The following SEMA4D variants were observed in gnomAD, a reference collection of about 807,000 sequenced individuals.
The protein encoded by SEMA4D is semaphorin 4D, also known as semaphorin-4D.
A neutral mutation model predicts 74.8 loss-of-function variants in SEMA4D; 22 were observed. The ratio of observed to expected loss-of-function variants is 0.29; its 90% CI spans 0.21 to 0.42. SEMA4D has a LOEUF of 0.42. SEMA4D is among the 10% of genes least tolerant of loss of function. SEMA4D has a pLI of 1.00. For synonymous variants in SEMA4D, 445 were observed against 463.7 expected (o/e 0.96, Z 0.52); for missense variants, 937 against 1,118.4 (o/e 0.84, Z 2.31).
rs1382384725 is a variant in SEMA4D at position 89,379,049 on chromosome 9, G to A, written c.2244C>T (p.Leu748=). The change falls in exon 16 of 16, where the codon CTC becomes CTT. Residue 748 remains leucine (L), a synonymous_variant. Coordinates refer to ENST00000422704, the MANE Select transcript of SEMA4D (RefSeq NM_001371194.2). ...TATAGCAGTTGTAGAAAAAGAGGCA[G>A]AGGAAGAGAACAAAGAAGAAGAGGA... ...SLFLFFFVLF[L]CLFFYNCYKG... 3 of 1,612,652 alleles carry A rather than the reference G, an allele frequency of 1.9e-6. No homozygotes were observed. Among genetic ancestry groups the A allele is most frequent in the East Asian group, 2.2e-5 (1 of 44,870 alleles).
chr9:89,448,193 C>A (rs1361866420), intron 2 of SEMA4D, among the ~76,000 whole-genome samples: 1 of 152,164 alleles, frequency 6.6e-6, no homozygotes, highest in Admixed American at 6.5e-5. Flanking sequence ...CCAGGCTGGT[C>A]TCAAACTCCT....
intron 2 of SEMA4D, chr9:89,450,544 GC>G: frequency 9.1e-7 from 1 of 1,100,854 alleles, no homozygotes; most frequent in Non-Finnish European, 1.4e-6. Flanking sequence ...CTGCCCAATG[GC>G]CCCATGCAGA....
At chr9:89,438,663 T>TTTTTC (rs537585584) in intron 2 of SEMA4D, among the ~76,000 whole-genome samples, 1 of 152,150 alleles carries the variant, frequency 6.6e-6, no homozygotes, top group African/African-American at 2.4e-5. Context: ...CAATGTATGT[T>TTTTTC]TTTTCTTTTC....
At chr9:89,452,182 G>GT (rs748453753) in intron 2 of SEMA4D, among the ~76,000 whole-genome samples, 57,434 of 134,940 alleles carry the variant, frequency 0.43, 13,057 homozygotes, top group Non-Finnish European at 0.5. Context: ...GGTTTTTTTT[G>GT]TTTTTTTTTT....
At chr9:89,387,241 C>T (rs1838732280) in intron 12 of SEMA4D, 145 bp downstream of exon 12, 3 of 651,030 alleles carry the variant, frequency 4.6e-6, no homozygotes, top group African/African-American at 1.8e-5. Flanking sequence ...TCTCAGAAAT[C>T]TTCTTACGCT....
At chr9:89,434,265 G>C (rs913047109) in intron 2 of SEMA4D, among the ~76,000 whole-genome samples, 5 of 152,194 alleles carry the variant, frequency 3.3e-5, no homozygotes, top group African/African-American at 1.2e-4. Flanking sequence ...AGGTAGAGGA[G>C]GGAGGGGTCT....
In SEMA4D at chr9:89,405,430, C is replaced by T. The variant is rs773283100; in HGVS notation, c.27G>A (p.Gly9=). ...ACATCACTGCAAGGGCCATGAGCAG[C>T]CCCCTAATGGGGGTGCACATCCTCA... MRMCTPIR[G]LLMALAVMFG... is the part of the protein sequence containing the mutation. The change falls in exon 3 of 16, where the codon GGG becomes GGA. Residue 9 remains glycine, a synonymous_variant. Transcript: ENST00000422704. 6.2e-7 allele frequency: 1 copy of T among 1,613,812 alleles called. No individual in the cohort carries two copies. The highest frequency in any genetic ancestry group is 8.5e-7 in the Non-Finnish European group (1 of 1,180,020).
At chr9:89,380,747 C>A (rs1409552496) in intron 15 of SEMA4D, among the ~76,000 whole-genome samples, 1 of 152,186 alleles carries the variant, frequency 6.6e-6, no homozygotes, top group Non-Finnish European at 1.5e-5. Flanking sequence ...TCATGGGCTC[C>A]TTTCTCCCCA....
At chr9:89,454,196 G>T (rs1285030552) in intron 2 of SEMA4D, among the ~76,000 whole-genome samples, 2 of 152,162 alleles carry the variant, frequency 1.3e-5, no homozygotes, top group East Asian at 3.8e-4. Context: ...GACCAGGAGG[G>T]CCAAGGCACC....
intron 11 of SEMA4D, among the ~76,000 whole-genome samples, chr9:89,388,100 G>A (rs1336474668): frequency 6.6e-6 from 1 of 152,200 alleles, no homozygotes; most frequent in African/African-American, 2.4e-5. Flanking sequence ...CCATGATGGT[G>A]TCAGGGACAG....
downstream of SEMA4D, chr9:89,376,800 C>A: frequency 6.6e-7 from 1 of 1,526,356 alleles, no homozygotes; most frequent in Non-Finnish European, 8.9e-7. Context: ...GACAGATGGA[C>A]AGGGCACAGG....
At position 89,381,010 on chromosome 9, in the gene SEMA4D, A is replaced by T; in HGVS notation, c.1663+45T>A. On this transcript the variant is annotated intron_variant, in intron 15 of 15. Coordinates refer to ENST00000422704, the MANE Select transcript of SEMA4D (RefSeq NM_001371194.2). This position sits in a 1 kb window ranked among gnomAD's most constrained non-coding sequence, Gnocchi z 4.6. Reference sequence around the variant, plus strand: ...TGAAGCACCGTGAAATGGCTACAAGACCTCGCCACTCCCAAAGGAAATGGG... The same window carrying T: ...TGAAGCACCGTGAAATGGCTACAAGTCCTCGCCACTCCCAAAGGAAATGGG... 1 of 1,609,692 alleles carries T rather than the reference A, an allele frequency of 6.2e-7. No homozygotes were observed.
chr9:89,482,685 T>C (rs530617897), intron 1 of SEMA4D, among the ~76,000 whole-genome samples: 3 of 152,292 alleles, frequency 2.0e-5, no homozygotes, highest in East Asian at 1.9e-4. Context: ...ATGTAAGTGC[T>C]TGAAAAGGCT....
At chr9:89,457,152 G>A (rs1432946491) in intron 1 of SEMA4D, among the ~76,000 whole-genome samples, 3 of 152,246 alleles carry the variant, frequency 2.0e-5, no homozygotes, top group East Asian at 1.9e-4. Flanking sequence ...TCTTTCTGAT[G>A]AGCAGTAACC....
intron 2 of SEMA4D, chr9:89,450,076 T>C (rs758995152): frequency 1.9e-5 from 24 of 1,294,932 alleles, no homozygotes; most frequent in Non-Finnish European, 2.6e-5. Flanking sequence ...TGGAACAAAG[T>C]TGCCCACTTA....
intron 16 of SEMA4D, among the ~76,000 whole-genome samples, chr9:89,370,402 GGT>G (rs1443538340): frequency 1.3e-5 from 2 of 150,014 alleles, no homozygotes; most frequent in Non-Finnish European, 3.0e-5. Context: ...CGTGGCGTGT[GGT>G]GTGTGTGGTG....
rs536453707 is a variant in SEMA4D at position 89,465,862 on chromosome 9, G to T, written c.-309-9909C>A. 5.9e-5 allele frequency among the ~76,000 whole-genome samples: 9 copies of T among 152,368 alleles called. No individual in the cohort carries two copies. In the South Asian group the frequency reaches 1.9e-3, roughly 32 times the overall value. On this transcript the variant is annotated intron_variant, in intron 1 of 15. Coordinates refer to ENST00000422704, the MANE Select transcript of SEMA4D (RefSeq NM_001371194.2). ...CCATTCAAAGGCTGCCTATGCCCAA[G>T]TCCAAGGTGGAATGAGGAGAAGATG...
chr9:89,433,030 A>G (rs1459661767), intron 2 of SEMA4D, among the ~76,000 whole-genome samples: 1 of 152,266 alleles, frequency 6.6e-6, no homozygotes, highest in Non-Finnish European at 1.5e-5. Context: ...TAGTGAGAAC[A>G]CAAGAGCGTC....
intron 2 of SEMA4D, chr9:89,449,617 C>A: frequency 8.6e-7 from 1 of 1,156,222 alleles, no homozygotes; most frequent in Non-Finnish European, 1.3e-6. Context: ...TCGTGACCAA[C>A]TATAAGATGG....
Sources: allele counts gnomAD v4.1 joint callset (sites outside exome capture counted in the v4.1 genomes callset), GRCh38; gene constraint gnomAD v4.1.1; non-coding constraint Gnocchi (gnomAD v3.1); transcripts MANE v1.5; gene names NCBI Gene and HGNC (gene_info 2026-07-23, HGNC 2026-07-21).